The following NTN1 variants were observed in gnomAD, a reference collection of about 807,000 sequenced individuals.
NTN1 encodes the protein netrin-1.
A neutral mutation model predicts 54.2 loss-of-function variants in NTN1; 11 were observed. The observed-to-expected ratio is 0.20, with a 90% CI of 0.13 to 0.34. The LOEUF (loss-of-function observed/expected upper bound fraction) is 0.34, where lower values mean the gene tolerates loss of function less well. NTN1 is among the 10% of genes least tolerant of loss of function. The probability of loss-of-function intolerance (pLI) is 1.00; values close to 1 mark genes in which losing one functional copy is unlikely to be tolerated. For synonymous variants in NTN1, 371 were observed against 382.0 expected (o/e 0.97, Z 0.33); for missense variants, 740 against 893.1 (o/e 0.83, Z 2.18).
At chr17:9,080,369 G>A (rs72809985) in intron 2 of NTN1, among the ~76,000 whole-genome samples, 6,938 of 152,224 alleles carry the variant, frequency 0.046, 230 homozygotes, top group Middle Eastern at 0.078. Flanking sequence ...AGGTCTCACC[G>A]ATCCCATTCA....
chr17:9,088,578 C>A (rs1016110670), intron 2 of NTN1, among the ~76,000 whole-genome samples: 1 of 152,144 alleles, frequency 6.6e-6, no homozygotes, highest in East Asian at 1.9e-4. Context: ...AGTCCCACCT[C>A]CACCCGCTCC....
chr17:9,217,075 A>G (rs2142351824), intron 5 of NTN1, among the ~76,000 whole-genome samples: 1 of 151,454 alleles, frequency 6.6e-6, no homozygotes, highest in Admixed American at 6.6e-5. Context: ...ATAAGGTGAC[A>G]TCTTTGCTGT....
At chr17:9,095,944 T>A (rs891798707) in intron 2 of NTN1, among the ~76,000 whole-genome samples, 1 of 151,948 alleles carries the variant, frequency 6.6e-6, no homozygotes, top group Admixed American at 6.6e-5. Context: ...GGATTACAGG[T>A]GTGTGTCACC....
intron 2 of NTN1, among the ~76,000 whole-genome samples, chr17:9,033,716 G>A (rs1171037640): frequency 6.6e-6 from 1 of 152,176 alleles, no homozygotes; most frequent in East Asian, 1.9e-4. Context: ...TTGGGAGTTC[G>A]AGACCAGCCA....
chr17:9,110,875 T>C (rs1415736817), intron 2 of NTN1, among the ~76,000 whole-genome samples: 1 of 151,896 alleles, frequency 6.6e-6, no homozygotes, highest in Non-Finnish European at 1.5e-5. Flanking sequence ...TCTGCATGTG[T>C]CTTTCCCTTT....
chr17:9,185,724 A>G (rs887170544), intron 5 of NTN1, among the ~76,000 whole-genome samples: 8 of 152,180 alleles, frequency 5.3e-5, no homozygotes, highest in African/African-American at 1.9e-4. Flanking sequence ...TCAGCACTCA[A>G]GGAAAAAAGA....
At chr17:9,031,026 G>A (rs1383911937) in intron 2 of NTN1, among the ~76,000 whole-genome samples, 1 of 152,148 alleles carries the variant, frequency 6.6e-6, no homozygotes, top group Non-Finnish European at 1.5e-5. Context: ...CCTGGCTGGT[G>A]CTATTGCTAG....
In NTN1 at chr17:9,106,217, C is replaced by T. The variant is rs554309696; in HGVS notation, c.1019-56596C>T. ...GACTTCCAGCCCACTGCCTCACCTG[C>T]CTTGCGGGTGAGATGGAGCAGTCGT... On this transcript the variant is annotated intron_variant, in intron 2 of 6. Transcript: ENST00000173229. Among the ~76,000 whole-genome samples the T allele has an allele frequency of 5.9e-5, 9 of 152,298 alleles. No individual in the cohort carries two copies. The South Asian group carries it at 1.7e-3, about 28-fold the overall frequency.
rs977637383 is a variant in NTN1, at chr17:9,228,731, G to A, written c.1486+7489G>A. Among the ~76,000 whole-genome samples the A allele has an allele frequency of 3.9e-5, 6 of 152,188 alleles. No individual in the cohort carries two copies. In the South Asian group the frequency reaches 1.2e-3, roughly 32 times the overall value. On this transcript the variant is annotated intron_variant, in intron 6 of 6. Coordinates refer to ENST00000173229, the MANE Select transcript of NTN1 (RefSeq NM_004822.3). ...CAGGACGATTTGTCTCAAGTATTCC[G>A]CCTGACATCCCACAAGGATGATTTC... is the stretch of plus-strand genomic sequence containing the variant.
chr17:9,115,769 C>T (rs1029080326), intron 2 of NTN1, among the ~76,000 whole-genome samples: 1 of 152,210 alleles, frequency 6.6e-6, no homozygotes, highest in Non-Finnish European at 1.5e-5. Flanking sequence ...TCTCTGGAGG[C>T]GCCGGGGCAG....
chr17:9,010,862 T>C, the NTN1 span, among the ~76,000 whole-genome samples: 1 of 152,130 alleles, frequency 6.6e-6, no homozygotes, highest in Admixed American at 6.5e-5. Context: ...GCGCATTACA[T>C]TTATTGTGCA....
At chr17:9,160,207 G>C (rs1216610094) in intron 2 of NTN1, among the ~76,000 whole-genome samples, 1 of 152,138 alleles carries the variant, frequency 6.6e-6, no homozygotes, top group African/African-American at 2.4e-5. Flanking sequence ...AGGTTCAAGA[G>C]ATTCTCCTGC....
At chr17:9,155,446 A>G in intron 2 of NTN1, among the ~76,000 whole-genome samples, 1 of 150,860 alleles carries the variant, frequency 6.6e-6, no homozygotes, top group East Asian at 1.9e-4. Context: ...GGTTCAAGCG[A>G]TTCTCCTGCC....
intron 2 of NTN1, among the ~76,000 whole-genome samples, chr17:9,079,901 C>T (rs1377484104): frequency 6.6e-6 from 1 of 151,846 alleles, no homozygotes; most frequent in Non-Finnish European, 1.5e-5. Flanking sequence ...GGCTTGTTTA[C>T]TGGCCCCTAA....
At chr17:9,030,164 C>T (rs772082659) in intron 2 of NTN1, among the ~76,000 whole-genome samples, 1 of 152,082 alleles carries the variant, frequency 6.6e-6, no homozygotes, top group Non-Finnish European at 1.5e-5. Flanking sequence ...CCCATCAGAC[C>T]CTTTTCTTTT....
chr17:9,096,439 C>T (rs753167839), intron 2 of NTN1, among the ~76,000 whole-genome samples: 5 of 138,644 alleles, frequency 3.6e-5, no homozygotes, highest in East Asian at 4.4e-4. Flanking sequence ...GGCACAATCT[C>T]GGCTCACTGC....
chr17:9,114,166 A>AAAAAAATATATATATATATATATATATAT (rs1555569108), intron 2 of NTN1, among the ~76,000 whole-genome samples: 1 of 74,658 alleles, frequency 1.3e-5, no homozygotes, highest in Non-Finnish European at 2.5e-5. Context: ...AAAAAAAAAA[A>AAAAAAATATATATATATATATATATATAT]ATATATATAT....
chr17:9,227,690 T>C (rs191534387), intron 6 of NTN1, among the ~76,000 whole-genome samples: 18 of 114,224 alleles, frequency 1.6e-4, no homozygotes, highest in Non-Finnish European at 2.8e-4. Flanking sequence ...ACCACACTTA[T>C]ACAGACACAC....
At chr17:9,170,450 G>A (rs750622872) in intron 3 of NTN1, among the ~76,000 whole-genome samples, 1 of 152,158 alleles carries the variant, frequency 6.6e-6, no homozygotes, top group Non-Finnish European at 1.5e-5. Flanking sequence ...CAGGAGAACC[G>A]GCCCCTCTTG....
Sources: gnomAD v4.1 joint callset for allele counts (sites outside exome capture counted in the v4.1 genomes callset) on GRCh38, gnomAD v4.1.1 for gene constraint, MANE v1.5 for transcripts, NCBI Gene and HGNC (gene_info 2026-07-23, HGNC 2026-07-21) for gene names.